EFR3A: variants seen among roughly 807,000 people sequenced by gnomAD.
EFR3A encodes the protein protein EFR3 homolog A.
EFR3A carries 76 observed loss-of-function variants against 104.4 expected under a neutral mutation model. The ratio of observed to expected loss-of-function variants is 0.73; its 90% CI spans 0.60 to 0.88. The LOEUF (loss-of-function observed/expected upper bound fraction) is 0.88. Ranked by LOEUF, EFR3A falls within the 40% of genes least tolerant of loss-of-function variation. EFR3A has a pLI of 0.00. For synonymous variants in EFR3A, 330 were observed against 330.0 expected (o/e 1.00, Z 0.00); for missense variants, 985 against 1,012.5 (o/e 0.97, Z 0.37).
rs751648160 is a variant in EFR3A, at chr8:131,970,649, T to G, written c.1159+6T>G. The G allele has an allele frequency of 1.9e-6, 3 of 1,608,230 alleles. No individual in the cohort carries two copies. In the South Asian group the frequency reaches 3.3e-5, roughly 18 times the overall value. ...TGCTATCATCCAAACAATAGGTGAGTACATTTCACTTTTCAAAACTATCAT... is the reference window on the plus strand; with the variant it reads ...TGCTATCATCCAAACAATAGGTGAGGACATTTCACTTTTCAAAACTATCAT... On this transcript the variant is annotated splice_donor_region_variant and intron_variant, in intron 10 of 22. Transcript: ENST00000254624.
At chr8:131,943,501 G>A (rs1818265529) in intron 2 of EFR3A, among the ~76,000 whole-genome samples, 1 of 152,038 alleles carries the variant, frequency 6.6e-6, no homozygotes. Context: ...TCATGGAACT[G>A]TGTGTGGAAG....
chr8:131,961,152 G>T (rs992319924), intron 8 of EFR3A, among the ~76,000 whole-genome samples: 1 of 152,258 alleles, frequency 6.6e-6, no homozygotes, highest in Middle Eastern at 3.4e-3. Flanking sequence ...AAATCAGAGC[G>T]CCTCTCCTCC....
intron 21 of EFR3A, 124 bp from the exon 22 acceptor site, chr8:132,003,112 G>A (rs1049248222): frequency 1.3e-6 from 1 of 745,768 alleles, no homozygotes; most frequent in Admixed American, 2.9e-5. Context: ...TTAAAGCATT[G>A]TGTACTTAAT....
At chr8:131,958,838 A>C (rs1819158900) in intron 7 of EFR3A, among the ~76,000 whole-genome samples, 2 of 152,162 alleles carry the variant, frequency 1.3e-5, no homozygotes, top group African/African-American at 2.4e-5. Flanking sequence ...CCACTTATCA[A>C]GTGCTGGCTG....
chr8:132,008,846 CAAAAAAAAAAA>C (rs55964352), intron 22 of EFR3A, among the ~76,000 whole-genome samples: 2,819 of 32,190 alleles, frequency 0.088, 69 homozygotes, highest in African/African-American at 0.19. Flanking sequence ...AACTCCATCT[CAAAAAAAAAAA>C]AAAAAAAAAA....
intron 2 of EFR3A, among the ~76,000 whole-genome samples, chr8:131,942,162 A>G (rs1818199014): frequency 6.6e-6 from 1 of 152,094 alleles, no homozygotes; most frequent in South Asian, 2.1e-4. Flanking sequence ...TGAAATGACC[A>G]TAGGTAAATT....
At chr8:131,911,096 A>G (rs553194315) in intron 1 of EFR3A, among the ~76,000 whole-genome samples, 1 of 152,258 alleles carries the variant, frequency 6.6e-6, no homozygotes, top group African/African-American at 2.4e-5. Flanking sequence ...TTCTCACCCA[A>G]AGTTTTGCAT....
At chr8:131,917,465 A>G (rs1816795584) in intron 1 of EFR3A, among the ~76,000 whole-genome samples, 1 of 152,224 alleles carries the variant, frequency 6.6e-6, no homozygotes. Context: ...TTTTAAAAGT[A>G]TTTTGTACAG....
In EFR3A at chr8:131,985,073, G is replaced by C. The variant is rs768997176; in HGVS notation, c.1869+13G>C. 1 of 1,603,292 alleles carries C rather than the reference G, an allele frequency of 6.2e-7. No individual in the cohort carries two copies. Among genetic ancestry groups the C allele is most frequent in the Non-Finnish European group, 8.5e-7 (1 of 1,173,660 alleles). Reference sequence around the variant, plus strand: ...GCATGTTAGCAAGGTAATGTATTTAGAAAAGTCCTTAAACTTGAATTTTGT... The same window carrying C: ...GCATGTTAGCAAGGTAATGTATTTACAAAAGTCCTTAAACTTGAATTTTGT... On this transcript the variant is annotated intron_variant, in intron 16 of 22. Coordinates refer to ENST00000254624, the MANE Select transcript of EFR3A (RefSeq NM_015137.6).
At chr8:132,006,045 T>G (rs1233676338) in intron 22 of EFR3A, among the ~76,000 whole-genome samples, 2 of 152,180 alleles carry the variant, frequency 1.3e-5, no homozygotes, top group African/African-American at 4.8e-5. Context: ...GAAAACATTT[T>G]AAACTGAAAA....
chr8:131,907,370 G>A (rs936270235), intron 1 of EFR3A, among the ~76,000 whole-genome samples: 3 of 152,172 alleles, frequency 2.0e-5, no homozygotes, highest in Non-Finnish European at 4.4e-5. Context: ...AACAGGTCCG[G>A]TAAAATGTGC....
In EFR3A at chr8:131,953,712, T is replaced by C; in HGVS notation, c.489-106T>C. The C allele has an allele frequency of 2.9e-6, 3 of 1,032,922 alleles. No individual in the cohort carries two copies. The South Asian group carries it at 7.5e-5, about 26-fold the overall frequency. 64.0% of individuals were successfully genotyped at this position (1,032,922 alleles called of 1,614,324 possible). ...GTGTTATTTTAAGATATTTTATTGA[T>C]AAGATAACAGTATTTACTTGATATC... On this transcript the variant is annotated intron_variant, in intron 5 of 22. Transcript: ENST00000254624.
intron 10 of EFR3A, among the ~76,000 whole-genome samples, 170 bp from the exon 11 acceptor site, chr8:131,975,857 A>T (rs542159204): frequency 6.6e-6 from 1 of 152,252 alleles, no homozygotes; most frequent in African/African-American, 2.4e-5. Flanking sequence ...GTACATAACT[A>T]AATGATTTTG....
intron 19 of EFR3A, 85 bp from the exon 20 acceptor site, chr8:132,001,674 C>T: frequency 8.3e-7 from 1 of 1,210,750 alleles, no homozygotes; most frequent in Admixed American, 1.8e-5. Context: ...ATCTGAAAAA[C>T]TTCTTAGATG....
At chr8:131,959,494 C>A in intron 7 of EFR3A, 91 bp from the exon 8 acceptor site, 2 of 952,488 alleles carry the variant, frequency 2.1e-6, no homozygotes, top group Non-Finnish European at 3.2e-6. Context: ...AGGTAATATT[C>A]TCACTATTAA....
intron 1 of EFR3A, among the ~76,000 whole-genome samples, chr8:131,935,724 A>AT (rs2130526411): frequency 6.6e-6 from 1 of 152,190 alleles, no homozygotes; most frequent in East Asian, 1.9e-4. Context: ...CTAACTTAGT[A>AT]TTTTTGTTTT....
intron 4 of EFR3A, among the ~76,000 whole-genome samples, chr8:131,949,420 A>G (rs113898489): frequency 0.036 from 5,476 of 152,244 alleles, 189 homozygotes; most frequent in African/African-American, 0.093. Context: ...GTACAATGAT[A>G]AATACACTGT....
chr8:131,985,756 A>G (rs1820840830), intron 16 of EFR3A, among the ~76,000 whole-genome samples: 1 of 152,228 alleles, frequency 6.6e-6, no homozygotes, highest in South Asian at 2.1e-4. Flanking sequence ...ACAAAAGCAG[A>G]GTACCTCTTT....
intron 16 of EFR3A, 115 bp from the exon 17 acceptor site, chr8:131,986,079 T>C: frequency 2.1e-6 from 1 of 473,844 alleles, no homozygotes; most frequent in Non-Finnish European, 3.7e-6. Flanking sequence ...CAAAGTGATG[T>C]TATTTCTTAT....
Sources: gnomAD v4.1 joint callset for allele counts (sites outside exome capture counted in the v4.1 genomes callset) on GRCh38, gnomAD v4.1.1 for gene constraint, MANE v1.5 for transcripts, NCBI Gene and HGNC (gene_info 2026-07-23, HGNC 2026-07-21) for gene names.